The following ERBB3 variants were observed in gnomAD, a reference collection of about 807,000 sequenced individuals.
The protein encoded by ERBB3 is erb-b2 receptor tyrosine kinase 3.
In ERBB3, 96 loss-of-function variants were observed where a neutral mutation model predicts 156.7. The observed-to-expected ratio is 0.61, with a 90% CI of 0.52 to 0.73. The LOEUF is 0.73. ERBB3 is among the 30% of genes least tolerant of loss of function. The pLI, the probability that ERBB3 is intolerant of heterozygous loss-of-function variation, is 0.00. For missense variants in ERBB3, 1,406 were observed against 1,709.4 expected (o/e 0.82, Z 3.13); for synonymous variants, 567 against 632.0 (o/e 0.90, Z 1.54).
Position 56,093,808 on chromosome 12 carries a change from T to A in ERBB3, c.1525T>A (p.Cys509Ser), listed in dbSNP as rs763162378. The part of the protein sequence containing the change: ...VCDPLCSSGG[C>S]WGPGPGQCLS... The stretch of plus-strand genomic sequence containing the variant: ...TGACCCACTGTGCTCCTCTGGGGGA[T>A]GCTGGGGCCCAGGCCCTGGTCAGTG... The change falls in exon 13 of 28, where the codon TGC (cysteine) becomes AGC (serine). Residue 509 changes from cysteine to serine, a missense_variant. Cys to Ser is a moderately radical substitution (Grantham distance 112). Around this residue, in one of 3 missense-constraint regions of ERBB3, gnomAD observed 979 missense variants for 1,219.6 expected, o/e 0.80. Transcript: ENST00000267101. 3 of 1,613,950 alleles carry A rather than the reference T, an allele frequency of 1.9e-6. No individual in the cohort carries two copies. The Admixed American group carries it at 5.0e-5, about 27-fold the overall frequency.
rs1592226975 is a variant in ERBB3, at chr12:56,088,729, A to G, written c.989-19A>G. The G allele has an allele frequency of 6.2e-7, 1 of 1,613,894 alleles. No individual in the cohort carries two copies. Among genetic ancestry groups the G allele is most frequent in the Non-Finnish European group, 8.5e-7 (1 of 1,179,992 alleles). On this transcript the variant is annotated intron_variant, in intron 8 of 27. Coordinates refer to ENST00000267101, the MANE Select transcript of ERBB3 (RefSeq NM_001982.4). ...AGCCTGCGCAGACCACCCCCACTGA[A>G]CCTCTCTTACATTTGCAGCCTGTGA... is the stretch of plus-strand genomic sequence containing the variant.
chr12:56,083,622 A>G, intron 1 of ERBB3, 129 bp from the exon 2 acceptor site: 2 of 1,005,526 alleles, frequency 2.0e-6, no homozygotes. Context: ...GGAGGGTTGG[A>G]GGCAAATGCC....
chr12:56,088,947 A>G (rs1314434094), intron 9 of ERBB3, 79 bp downstream of exon 9: 4 of 1,566,448 alleles, frequency 2.6e-6, no homozygotes, highest in Admixed American at 3.3e-5. Flanking sequence ...AAACTTTCCT[A>G]TGTGGAGCTG....
Position 56,088,179 on chromosome 12 carries a change from A to T in ERBB3, c.874+17A>T. 6.2e-7 allele frequency: 1 copy of T among 1,613,544 alleles called. No individual in the cohort carries two copies. Among genetic ancestry groups the T allele is most frequent in the Non-Finnish European group, 8.5e-7 (1 of 1,179,522 alleles). On this transcript the variant is annotated intron_variant, in intron 7 of 27. Transcript: ENST00000267101. ...GCTGTCCCCGTAAGTGTCTGAGGGG[A>T]AGGAACAATGATCAACAATAGTAGA...
rs750252178 is a variant in ERBB3 at position 56,080,333 on chromosome 12, C to A, written c.33C>A (p.Gly11=). The part of the protein sequence containing the change: MRANDALQVL[G]LLFSLARGSE... ...CGAACGACGCTCTGCAGGTGCTGGG[C>A]TTGCTTTTCAGCCTGGCCCGGGGCT... Residue 11 remains glycine (G), a synonymous_variant, in exon 1 of 28, where the codon GGC becomes GGA. Transcript: ENST00000267101. 8 of 1,589,584 alleles carry A rather than the reference C, an allele frequency of 5.0e-6. No homozygotes were observed. The South Asian group carries it at 9.1e-5, about 18-fold the overall frequency.
intron 23 of ERBB3, 31 bp from the exon 24 acceptor site, chr12:56,099,617 T>C: frequency 6.3e-7 from 1 of 1,589,216 alleles, no homozygotes; most frequent in South Asian, 1.1e-5. Context: ...TATTCTCTTT[T>C]ATGTCTCTAC....
At chr12:56,097,678 A>C (rs1180714441) in intron 20 of ERBB3, 107 bp from the exon 21 acceptor site, 3 of 1,180,422 alleles carry the variant, frequency 2.5e-6, no homozygotes, top group Non-Finnish European at 3.8e-6. Flanking sequence ...GTGCCAAAAA[A>C]GGTTGGGGAC....
At position 56,094,158 on chromosome 12, in the gene ERBB3, C is replaced by T. The variant is rs755509709; in HGVS notation, c.1673C>T (p.Pro558Leu). The T allele has an allele frequency of 6.2e-7, 1 of 1,614,110 alleles. No homozygotes were observed. Among genetic ancestry groups the T allele is most frequent in the Non-Finnish European group, 8.5e-7 (1 of 1,179,998 alleles). ...ECFSCHPECQ[P>L]MEGTATCNGS... ...TTCTCCTGCCACCCGGAATGCCAAC[C>T]CATGGAGGGCACTGCCACATGCAAT... Residue 558 changes from proline (P) to leucine (L), a missense_variant, in exon 14 of 28, where the codon CCC becomes CTC. Physicochemically the swap from Pro to Leu is moderately conservative, Grantham distance 98. Coordinates refer to ENST00000267101, the MANE Select transcript of ERBB3 (RefSeq NM_001982.4).
intron 23 of ERBB3, among the ~76,000 whole-genome samples, chr12:56,099,165 A>G (rs1191239773): frequency 6.6e-6 from 1 of 151,978 alleles, no homozygotes; most frequent in Non-Finnish European, 1.5e-5. Context: ...CATGTTGGCC[A>G]GGCTGGTCTC....
intron 9 of ERBB3, 44 bp from the exon 10 acceptor site, chr12:56,092,703 G>A (rs760796344): frequency 7.1e-7 from 1 of 1,407,394 alleles, no homozygotes; most frequent in Admixed American, 1.7e-5. Flanking sequence ...TTGCCATTGA[G>A]TTATACCTTT....
intron 17 of ERBB3, 151 bp from the exon 18 acceptor site, chr12:56,096,352 C>T: frequency 1.1e-6 from 1 of 903,996 alleles, no homozygotes; most frequent in Non-Finnish European, 1.8e-6. Flanking sequence ...GTCTGTACCT[C>T]AATATGCCTA....
chr12:56,087,440 A>G (rs980504833), intron 4 of ERBB3, 137 bp from the exon 5 acceptor site: 23 of 804,914 alleles, frequency 2.9e-5, no homozygotes, highest in African/African-American at 2.5e-4. Context: ...CCTGCTCTCC[A>G]AGGGCAGGGA....
At chr12:56,094,020 G>A (rs760481338) in intron 13 of ERBB3, 79 bp from the exon 14 acceptor site, 1 of 1,555,484 alleles carries the variant, frequency 6.4e-7, no homozygotes, top group Non-Finnish European at 8.9e-7. Flanking sequence ...ATTGAGGTAG[G>A]AGACCTGTGG....
At position 56,102,502 on chromosome 12, in the gene ERBB3, G is replaced by A; in HGVS notation, c.*447G>A. 4.1e-6 allele frequency: 1 copy of A among 245,858 alleles called. No individual in the cohort carries two copies. The allele number at this position is 245,858 out of a possible 1,614,324, so 15.2% of individuals were successfully genotyped here. A position where few individuals can be genotyped will look rare whatever the true frequency, so the allele number is the denominator to read the frequency against. ...TTGGTTTATGACTCTTAACCCCCTA[G>A]AAAGACAGAAGCTTAAAATCTGTGA... On this transcript the variant is annotated 3_prime_UTR_variant, in exon 28 of 28. Transcript: ENST00000267101.
chr12:56,093,996 T>C, intron 13 of ERBB3, 100 bp downstream of exon 13: 4 of 1,573,658 alleles, frequency 2.5e-6, no homozygotes, highest in South Asian at 1.1e-5. Flanking sequence ...GCTTTCTGCA[T>C]GTGCCTTGGT....
At chr12:56,100,737 C>T (rs556070672) in intron 26 of ERBB3, among the ~76,000 whole-genome samples, 2 of 149,980 alleles carry the variant, frequency 1.3e-5, no homozygotes, top group East Asian at 3.9e-4. Context: ...GTCAGGAGTT[C>T]GAGACCAGCC....
chr12:56,086,748 G>A (rs778848315), intron 4 of ERBB3, 92 bp downstream of exon 4: 31 of 1,516,434 alleles, frequency 2.0e-5, no homozygotes, highest in Non-Finnish European at 2.6e-5. Flanking sequence ...ATCTGAACCC[G>A]CCTCCCCAGT....
chr12:56,098,456 A>G (rs192782355), intron 21 of ERBB3, 44 bp from the exon 22 acceptor site: 1 of 1,441,690 alleles, frequency 6.9e-7, no homozygotes, highest in Admixed American at 1.7e-5. Flanking sequence ...TCCTAAGAAA[A>G]TTTGTGGAAA....
At chr12:56,096,222 T>A in intron 17 of ERBB3, 1 of 544,022 alleles carries the variant, frequency 1.8e-6, no homozygotes, top group South Asian at 2.0e-5. Flanking sequence ...AAGGTGGTAA[T>A]AGTACTACCA....
Sources: allele counts gnomAD v4.1 joint callset (sites outside exome capture counted in the v4.1 genomes callset), GRCh38; gene constraint gnomAD v4.1.1; regional missense constraint gnomAD v4.1.1; transcripts MANE v1.5; gene names NCBI Gene and HGNC (gene_info 2026-07-23, HGNC 2026-07-21).